Variants in ROBO1 observed in about 807,000 individuals in gnomAD.
The protein encoded by ROBO1 is roundabout homolog 1.
Under a neutral mutation model 195.9 loss-of-function variants are expected in ROBO1, and 149 were observed. That is an observed-to-expected ratio of 0.76 (90% CI 0.67 to 0.87). The LOEUF is 0.87. Ranked by LOEUF, ROBO1 falls within the 40% of genes least tolerant of loss-of-function variation. The pLI, the probability that ROBO1 is intolerant of heterozygous loss-of-function variation, is 0.00. For synonymous variants in ROBO1, 816 were observed against 733.2 expected (o/e 1.11, Z -1.82); for missense variants, 1,933 against 2,068.3 (o/e 0.93, Z 1.27).
intron 1 of ROBO1, among the ~76,000 whole-genome samples, chr3:79,745,026 AT>A (rs1314753763): frequency 1.8e-4 from 28 of 152,124 alleles, no homozygotes; most frequent in African/African-American, 6.3e-4. Context: ...CAAACCTTCT[AT>A]TTCAGCCAGA....
At chr3:79,044,126 T>TAAAAA (rs71127374) in intron 3 of ROBO1, among the ~76,000 whole-genome samples, 1 of 140,100 alleles carries the variant, frequency 7.1e-6, no homozygotes, top group Non-Finnish European at 1.5e-5. Flanking sequence ...GTTGATGAGC[T>TAAAAA]AAAAAAAAAA....
At chr3:79,001,825 C>T (rs2077511511) in intron 3 of ROBO1, among the ~76,000 whole-genome samples, 3 of 152,012 alleles carry the variant, frequency 2.0e-5, no homozygotes, top group Admixed American at 1.3e-4. Flanking sequence ...TTTACTATTA[C>T]ATTTATGGAA....
chr3:79,504,012 A>G (rs970518017), intron 2 of ROBO1, among the ~76,000 whole-genome samples: 5 of 152,198 alleles, frequency 3.3e-5, no homozygotes, highest in African/African-American at 1.2e-4. Flanking sequence ...TTGAGTTTCA[A>G]TAAAACTGTC....
intron 3 of ROBO1, chr3:79,019,143 G>A: frequency 2.0e-6 from 2 of 986,420 alleles, no homozygotes; most frequent in Non-Finnish European, 2.4e-6. Flanking sequence ...CAGCAGGACC[G>A]CGGACACTCG....
At chr3:79,127,553 ACT>A (rs2108577813) in intron 2 of ROBO1, among the ~76,000 whole-genome samples, 1 of 152,280 alleles carries the variant, frequency 6.6e-6, no homozygotes, top group East Asian at 1.9e-4. Flanking sequence ...ATTTCTAATC[ACT>A]CTGTTACAAA....
chr3:78,772,256 C>T (rs1398839040), intron 4 of ROBO1, among the ~76,000 whole-genome samples: 1 of 151,940 alleles, frequency 6.6e-6, no homozygotes. Flanking sequence ...TATACAAACC[C>T]CATTTGACTT....
chr3:79,542,427 T>G (rs968312707), intron 2 of ROBO1, among the ~76,000 whole-genome samples: 1 of 152,048 alleles, frequency 6.6e-6, no homozygotes, highest in African/African-American at 2.4e-5. Context: ...TAAAGTTATT[T>G]TTTCAGAAAT....
chr3:79,386,866 A>G (rs1455386511), intron 2 of ROBO1, among the ~76,000 whole-genome samples: 1 of 152,108 alleles, frequency 6.6e-6, no homozygotes, highest in Admixed American at 6.6e-5. Context: ...ATTGAAAAGA[A>G]AAAACGATCC....
intron 3 of ROBO1, among the ~76,000 whole-genome samples, chr3:78,985,963 C>G (rs1258798088): frequency 1.3e-5 from 2 of 151,950 alleles, no homozygotes; most frequent in African/African-American, 2.4e-5. Context: ...GCAGCAGAGC[C>G]CAAGACAAAG....
intron 2 of ROBO1, among the ~76,000 whole-genome samples, chr3:79,454,634 A>C (rs1192556405): frequency 6.6e-6 from 1 of 152,070 alleles, no homozygotes; most frequent in Non-Finnish European, 1.5e-5. Context: ...TCTCTTAAAA[A>C]CTAGTGCCCA....
intron 2 of ROBO1, among the ~76,000 whole-genome samples, chr3:79,500,215 C>T (rs1939994339): frequency 6.7e-6 from 1 of 148,386 alleles, no homozygotes; most frequent in Non-Finnish European, 1.5e-5. Context: ...GCTGCAACCT[C>T]CGCCTCCAGG....
At chr3:78,881,514 A>AT (rs2036178866) in intron 4 of ROBO1, among the ~76,000 whole-genome samples, 1 of 152,212 alleles carries the variant, frequency 6.6e-6, no homozygotes, top group Non-Finnish European at 1.5e-5. Context: ...TCATTGGCTA[A>AT]TTTTGAAGAG....
chr3:79,592,334 C>T (rs933343236), intron 1 of ROBO1, among the ~76,000 whole-genome samples: 8 of 151,950 alleles, frequency 5.3e-5, no homozygotes, highest in Admixed American at 5.3e-4. Context: ...TTTCAAATAT[C>T]TGTAAGGTAT....
intron 19 of ROBO1, among the ~76,000 whole-genome samples, chr3:78,648,698 A>C (rs1706454857): frequency 6.6e-6 from 1 of 151,838 alleles, no homozygotes; most frequent in Non-Finnish European, 1.5e-5. Context: ...AAAAAAAAGC[A>C]AGGAAATATA....
intron 3 of ROBO1, among the ~76,000 whole-genome samples, chr3:79,067,078 T>C (rs944565795): frequency 6.6e-6 from 1 of 152,002 alleles, no homozygotes; most frequent in African/African-American, 2.4e-5. Context: ...CTTTCATACA[T>C]GGAAAAATTT....
chr3:79,628,325 T>A (rs1945240244), intron 1 of ROBO1, among the ~76,000 whole-genome samples: 2 of 152,164 alleles, frequency 1.3e-5, no homozygotes, highest in African/African-American at 4.8e-5. Context: ...GAGATTATGT[T>A]CTTTTCAGGG....
intron 2 of ROBO1, among the ~76,000 whole-genome samples, chr3:79,454,480 GA>G (rs1413637799): frequency 6.6e-6 from 1 of 152,048 alleles, no homozygotes; most frequent in Admixed American, 6.6e-5. Flanking sequence ...CAGACACACA[GA>G]AGCAATTTAT....
At chr3:79,026,297 T>C (rs2078202216) in intron 3 of ROBO1, among the ~76,000 whole-genome samples, 1 of 152,072 alleles carries the variant, frequency 6.6e-6, no homozygotes, top group Non-Finnish European at 1.5e-5. Context: ...ACATGAAGGG[T>C]AAGCATAAAT....
chr3:78,841,539 A>G (rs1389813621), intron 4 of ROBO1, among the ~76,000 whole-genome samples: 3 of 152,204 alleles, frequency 2.0e-5, no homozygotes, highest in Admixed American at 6.5e-5. Context: ...GATTTTGACC[A>G]TAAGTGGAGT....
Sources: gnomAD v4.1 joint callset for allele counts (sites outside exome capture counted in the v4.1 genomes callset) on GRCh38, gnomAD v4.1.1 for gene constraint, MANE v1.5 for transcripts, NCBI Gene and HGNC (gene_info 2026-07-23, HGNC 2026-07-21) for gene names.